The following GPC6 variants were observed in gnomAD, a reference collection of about 807,000 sequenced individuals.
GPC6 encodes the protein glypican-6.
Under a neutral mutation model 55.2 loss-of-function variants are expected in GPC6, and 14 were observed. The ratio of observed to expected loss-of-function variants is 0.25; its 90% CI spans 0.17 to 0.40. The LOEUF (loss-of-function observed/expected upper bound fraction) is 0.40, where lower values mean the gene tolerates loss of function less well. Among genes scored for constraint, GPC6 ranks in the 10% least tolerant of loss-of-function variants. The pLI, the probability that GPC6 is intolerant of heterozygous loss-of-function variation, is 1.00. For missense variants in GPC6, 641 were observed against 708.5 expected, an observed-to-expected ratio of 0.90 and a Z score of 1.08; for synonymous variants, 278 against 259.6, an observed-to-expected ratio of 1.07 and a Z score of -0.68.
rs139423515 is a variant in GPC6 at position 94,307,095 on chromosome 13, T to C, written c.1152+972T>C. ...ATAGTGTAGAACTCATAAGATTATA[T>C]TGGTTGAATTTGGCCTCAAAGTAAG... On this transcript the variant is annotated intron_variant, in intron 6 of 8. Coordinates refer to ENST00000377047, the MANE Select transcript of GPC6 (RefSeq NM_005708.5). Among the ~76,000 whole-genome samples the C allele has an allele frequency of 2.6e-3, 391 of 152,226 alleles. 2 individuals are homozygous for C. Among genetic ancestry groups the C allele is most frequent in the African/African-American group, 8.2e-3 (340 of 41,522 alleles).
chr13:94,163,586 T>G (rs527384566), intron 4 of GPC6, among the ~76,000 whole-genome samples: 6 of 152,210 alleles, frequency 3.9e-5, no homozygotes, highest in African/African-American at 7.2e-5. Flanking sequence ...ATACTTGACT[T>G]GATAATCTAG....
chr13:93,233,431 A>G (rs1375718967), intron 1 of GPC6, among the ~76,000 whole-genome samples: 1 of 151,678 alleles, frequency 6.6e-6, no homozygotes, highest in African/African-American at 2.4e-5. Flanking sequence ...TCTTTCTTCT[A>G]GGCATTTTTT....
At chr13:93,747,514 C>G (rs981060745) in intron 2 of GPC6, among the ~76,000 whole-genome samples, 5 of 152,196 alleles carry the variant, frequency 3.3e-5, no homozygotes, top group African/African-American at 1.2e-4. Context: ...GCATTCCCAT[C>G]ATCCAGCAAT....
At chr13:94,271,378 G>A (rs1319685931) in intron 4 of GPC6, among the ~76,000 whole-genome samples, 2,215 of 112,772 alleles carry the variant, frequency 0.02, 30 homozygotes, top group Non-Finnish European at 0.032. Context: ...GCGCGCGCGC[G>A]CGCGCACACA....
chr13:93,878,391 C>G (rs1022719640), intron 3 of GPC6, among the ~76,000 whole-genome samples: 2 of 151,962 alleles, frequency 1.3e-5, no homozygotes, highest in Non-Finnish European at 2.9e-5. Context: ...CTTTCAGACT[C>G]TTTTAGACGG....
intron 4 of GPC6, among the ~76,000 whole-genome samples, chr13:94,115,914 T>C (rs1417504508): frequency 2.0e-5 from 3 of 152,088 alleles, no homozygotes; most frequent in African/African-American, 7.2e-5. Context: ...TTCTTTTCAC[T>C]CTCTGAATTA....
intron 3 of GPC6, among the ~76,000 whole-genome samples, chr13:93,966,651 ATT>A (rs59591951): frequency 1.1e-3 from 135 of 118,768 alleles, no homozygotes; most frequent in South Asian, 7.7e-3. Context: ...TGTTTCCTTC[ATT>A]TTTTTTTTTT....
chr13:93,227,817 C>T lies in GPC6; in HGVS notation c.160+201C>T, dbSNP rs1387431556. ...GGGGGAAGGTGTGCGTCTCCGCCGC[C>T]TCATTGTGTGCACACGCGGGAGCAC... is the stretch of plus-strand genomic sequence containing the variant. On this transcript the variant is annotated intron_variant, in intron 1 of 8. Transcript: ENST00000377047. This position sits in a 1 kb window ranked among gnomAD's most constrained non-coding sequence, Gnocchi z 4.3. Among the ~76,000 whole-genome samples, 1 of 152,192 alleles carries T rather than the reference C, an allele frequency of 6.6e-6. No individual in the cohort carries two copies. Among genetic ancestry groups the T allele is most frequent in the African/African-American group, 2.4e-5 (1 of 41,476 alleles).
intron 1 of GPC6, among the ~76,000 whole-genome samples, chr13:93,353,877 G>C (rs1012112821): frequency 1.3e-5 from 2 of 152,116 alleles, no homozygotes; most frequent in Non-Finnish European, 2.9e-5. Flanking sequence ...ATCTGTCTCT[G>C]ACAAAATTCA....
chr13:94,116,630 C>G (rs1170564007), intron 4 of GPC6, among the ~76,000 whole-genome samples: 1 of 152,076 alleles, frequency 6.6e-6, no homozygotes, highest in Non-Finnish European at 1.5e-5. Context: ...CCATTTTAAG[C>G]ATTGAAACAA....
At position 94,291,663 on chromosome 13, in the gene GPC6, A is replaced by C. The variant is rs181882190; in HGVS notation, c.1008+5184A>C. ...ACACATGAACTAGAGTCTAAAATCT[A>C]TATTCTAGCTAAGAACTGGGTGATT... On this transcript the variant is annotated intron_variant, in intron 5 of 8. Coordinates refer to ENST00000377047, the MANE Select transcript of GPC6 (RefSeq NM_005708.5). Among the ~76,000 whole-genome samples the C allele has an allele frequency of 7.9e-5, 12 of 151,868 alleles. No homozygotes were observed. In the East Asian group the frequency reaches 1.7e-3, roughly 22 times the overall value.
intron 2 of GPC6, among the ~76,000 whole-genome samples, chr13:93,654,008 C>T (rs1399661844): frequency 6.6e-6 from 1 of 152,132 alleles, no homozygotes; most frequent in African/African-American, 2.4e-5. Flanking sequence ...GGAAATGGTG[C>T]ATTACCATTG....
At chr13:94,341,585 CAAA>C (rs34492618) in intron 6 of GPC6, among the ~76,000 whole-genome samples, 3 of 79,558 alleles carry the variant, frequency 3.8e-5, no homozygotes. Flanking sequence ...AACTCCGTCT[CAAA>C]AAAAAAAAAA....
Position 93,622,050 on chromosome 13 carries a change from T to C in GPC6, c.319+76629T>C, listed in dbSNP as rs567246466. Among the ~76,000 whole-genome samples, 4 of 152,260 alleles carry C rather than the reference T, an allele frequency of 2.6e-5. No homozygotes were observed. The South Asian group carries it at 8.3e-4, about 32-fold the overall frequency. On this transcript the variant is annotated intron_variant, in intron 2 of 8. Transcript: ENST00000377047. ...CACCCTTCCCAGCTTCTGGTATCCATCAGTCTATTCTCTTCCTCCAACTTT... is the reference window on the plus strand; with the variant it reads ...CACCCTTCCCAGCTTCTGGTATCCACCAGTCTATTCTCTTCCTCCAACTTT...
chr13:93,303,777 A>C (rs949596438), intron 1 of GPC6, among the ~76,000 whole-genome samples: 1 of 152,178 alleles, frequency 6.6e-6, no homozygotes, highest in South Asian at 2.1e-4. Flanking sequence ...TGAGAAAAGA[A>C]CATTTGAGTA....
intron 4 of GPC6, among the ~76,000 whole-genome samples, chr13:94,045,351 T>C (rs886891400): frequency 2.6e-5 from 4 of 151,962 alleles, no homozygotes; most frequent in African/African-American, 9.7e-5. Flanking sequence ...GTCAATATTT[T>C]GCTAACGTTT....
intron 1 of GPC6, among the ~76,000 whole-genome samples, chr13:93,488,948 T>C (rs995385766): frequency 5.3e-5 from 8 of 152,250 alleles, no homozygotes; most frequent in African/African-American, 1.9e-4. Context: ...GTAGTTTCTT[T>C]TGCTGTGCAG....
At chr13:94,132,225 A>T (rs1887027690) in intron 4 of GPC6, among the ~76,000 whole-genome samples, 1 of 152,188 alleles carries the variant, frequency 6.6e-6, no homozygotes, top group South Asian at 2.1e-4. Flanking sequence ...GGGTGATTCT[A>T]GCTGAGTGTT....
At chr13:93,631,049 C>T (rs1401312339) in intron 2 of GPC6, among the ~76,000 whole-genome samples, 1 of 152,162 alleles carries the variant, frequency 6.6e-6, no homozygotes, top group Non-Finnish European at 1.5e-5. Flanking sequence ...GGAGAGGTGG[C>T]TGTGTTGTAG....
Sources: gnomAD v4.1 joint callset for allele counts (sites outside exome capture counted in the v4.1 genomes callset) on GRCh38, gnomAD v4.1.1 for gene constraint, Gnocchi (gnomAD v3.1) non-coding constraint, MANE v1.5 for transcripts, NCBI Gene and HGNC (gene_info 2026-07-23, HGNC 2026-07-21) for gene names.